Variants in BRWD3 observed in about 807,000 individuals in gnomAD.
BRWD3 encodes the protein bromodomain and WD repeat domain containing 3.
A neutral mutation model predicts 149.7 loss-of-function variants in BRWD3; 10 were observed. That is an observed-to-expected ratio of 0.07 (90% CI 0.04 to 0.11). The LOEUF (loss-of-function observed/expected upper bound fraction) is 0.11, where lower values mean the gene tolerates loss of function less well. Among genes scored for constraint, BRWD3 ranks in the 10% least tolerant of loss-of-function variants. BRWD3 has a pLI of 1.00. For synonymous variants in BRWD3, 504 were observed against 456.7 expected (o/e 1.10, Z -1.32); for missense variants, 940 against 1,373.2 (o/e 0.68, Z 4.99).
chrX:80,741,554 T>C (rs1166648305), intron 8 of BRWD3, among the ~76,000 whole-genome samples: 2 of 111,528 alleles, frequency 1.8e-5, no homozygotes, highest in Admixed American at 9.5e-5. Flanking sequence ...TATTTCTCCA[T>C]ATCCTCTCCA....
chrX:80,671,435 AAG>A lies in BRWD3; in HGVS notation c.*5172_*5173del, dbSNP rs2072322352. ...TATGACAAAGAAACAAGAAAGACCT[AAG>A]AGTTACATGTTACAATCTCTAAAGC... On this transcript the variant is annotated 3_prime_UTR_variant, in exon 41 of 41. Transcript: ENST00000373275. The A allele has an allele frequency of 8.9e-6, 1 of 112,280 alleles. No individual in the cohort carries two copies. The highest frequency in any genetic ancestry group is 3.2e-5 in the African/African-American group (1 of 30,951). 9.3% of individuals were successfully genotyped at this position (112,280 alleles called of 1,213,427 possible).
chrX:80,767,909 T>C (rs1390333254), intron 6 of BRWD3, among the ~76,000 whole-genome samples: 1 of 111,931 alleles, frequency 8.9e-6, no homozygotes, highest in Non-Finnish European at 1.9e-5. Context: ...CTGAAAACCA[T>C]GGCATGAGAA....
At chrX:80,709,284 C>A (rs1050784906) in intron 21 of BRWD3, 144 bp downstream of exon 21, 1 of 433,138 alleles carries the variant, frequency 2.3e-6, no homozygotes, top group Non-Finnish European at 3.7e-6. Context: ...AATATACCTA[C>A]TAAATGTATT....
chrX:80,696,713 A>T (rs1355802834), intron 26 of BRWD3, 26 bp downstream of exon 26: 1 of 1,204,262 alleles, frequency 8.3e-7, no homozygotes, highest in Non-Finnish European at 1.1e-6. Context: ...ACACACTCAA[A>T]CAGAGACTCA....
At position 80,703,567 on chromosome X, in the gene BRWD3, A is replaced by G. The variant is rs1247224501; in HGVS notation, c.2748T>C (p.Gly916=). The G allele has an allele frequency of 1.7e-6, 2 of 1,204,860 alleles. No individual in the cohort carries two copies. The highest frequency in any genetic ancestry group is 5.9e-5 in the East Asian group (2 of 33,741). ...GGGCAAACCATTCTTCATTAGGCTC[A>G]CCTGCTATAGAAACCAGTCCTCCTT... ...KKKGGLVSIA[G]EPNEEWFAPQ... The change falls in exon 24 of 41, where the codon GGT becomes GGC. Residue 916 remains glycine, a synonymous_variant. Transcript: ENST00000373275.
chrX:80,701,767 T>C (rs1007202052), intron 24 of BRWD3, among the ~76,000 whole-genome samples: 3 of 108,586 alleles, frequency 2.8e-5, no homozygotes, highest in African/African-American at 9.9e-5. Context: ...ATAATACACG[T>C]CATTAAGATA....
Position 80,676,911 on chromosome X carries a change from C to A in BRWD3, c.5107G>T (p.Gly1703Cys). ...GRGSRGRGGG[G>C]TRGRGRGRGG... ...CTCCCTCTTCCCCTCCCCCTAGTGC[C>A]ACCTCCACCTCTTCCTCGACTCCCT... The change falls in exon 41 of 41, where the codon GGC becomes TGC. Residue 1703 changes from glycine (G) to cysteine (C), a missense_variant. Gly to Cys is a radical substitution (Grantham distance 159, BLOSUM62 -3). Around this residue, in one of 6 missense-constraint regions of BRWD3, gnomAD observed 349 missense variants for 419.6 expected, o/e 0.83. Transcript: ENST00000373275. 1 of 1,205,096 alleles carries A rather than the reference C, an allele frequency of 8.3e-7. No individual in the cohort carries two copies. Among genetic ancestry groups the A allele is most frequent in the Non-Finnish European group, 1.1e-6 (1 of 890,079 alleles).
At position 80,689,786 on chromosome X, in the gene BRWD3, G is replaced by A. The variant is rs1255346618; in HGVS notation, c.3789C>T (p.Asn1263=). 8.3e-7 allele frequency: 1 copy of A among 1,201,741 alleles called. No homozygotes were observed. The highest frequency in any genetic ancestry group is 1.8e-5 in the South Asian group (1 of 56,627). The part of the protein sequence containing the change: ...TYNKIKAEER[N]STDAEEDTEI... ...TTCTTACCTCCTCTGCATCAGTACTGTTTCGTTCTTCTGCTTTAATTTTAT... is the reference window on the plus strand; with the variant it reads ...TTCTTACCTCCTCTGCATCAGTACTATTTCGTTCTTCTGCTTTAATTTTAT... Residue 1263 remains asparagine (N), a synonymous_variant, in exon 33 of 41, where the codon AAC becomes AAT. Transcript: ENST00000373275.
intron 11 of BRWD3, 126 bp downstream of exon 11, chrX:80,733,992 C>A: frequency 1.9e-6 from 1 of 523,361 alleles, no homozygotes; most frequent in African/African-American, 2.3e-5. Context: ...GTAGTAATGA[C>A]AAGAGTAAAG....
intron 12 of BRWD3, among the ~76,000 whole-genome samples, chrX:80,730,299 G>C (rs1387584996): frequency 1.2e-4 from 13 of 108,617 alleles, no homozygotes; most frequent in African/African-American, 4.4e-4. Flanking sequence ...TTCATAATAA[G>C]TCAAAAAGTG....
intron 22 of BRWD3, among the ~76,000 whole-genome samples, 194 bp from the exon 23 acceptor site, chrX:80,705,040 G>A (rs1432061046): frequency 9.0e-6 from 1 of 111,344 alleles, no homozygotes; most frequent in Non-Finnish European, 1.9e-5. Flanking sequence ...GGCCAAGATG[G>A]GCAGATCACA....
intron 6 of BRWD3, among the ~76,000 whole-genome samples, chrX:80,768,245 C>T (rs747880792): frequency 5.1e-4 from 57 of 110,803 alleles, no homozygotes; most frequent in Middle Eastern, 4.7e-3. Flanking sequence ...CAAAGATACT[C>T]CTTGAGAAAA....
chrX:80,694,909 G>T (rs916020016), intron 27 of BRWD3, among the ~76,000 whole-genome samples: 2 of 111,024 alleles, frequency 1.8e-5, no homozygotes, highest in Non-Finnish European at 3.8e-5. Flanking sequence ...GGGGACTGTT[G>T]ATTGGTTTTG....
chrX:80,762,925 G>A lies in BRWD3; in HGVS notation c.431-17196C>T, dbSNP rs902909875. 5.4e-5 allele frequency among the ~76,000 whole-genome samples: 6 copies of A among 110,517 alleles called. No homozygotes were observed. The South Asian group carries it at 2.4e-3, about 44-fold the overall frequency. On this transcript the variant is annotated intron_variant, in intron 6 of 40. Coordinates refer to ENST00000373275, the MANE Select transcript of BRWD3 (RefSeq NM_153252.5). ...TCTCAGTAGTCTCACATTTCAGAAT[G>A]GGGTAGGTTAGGAATACCACGCAAA...
chrX:80,784,302 A>C (rs1040334752), intron 6 of BRWD3, among the ~76,000 whole-genome samples: 1 of 112,126 alleles, frequency 8.9e-6, no homozygotes, highest in African/African-American at 3.2e-5. Context: ...AACTGTTTAG[A>C]TTATGATAAT....
chrX:80,709,529 T>C lies in BRWD3; in HGVS notation c.2374A>G (p.Lys792Glu). 1 of 1,210,739 alleles carries C rather than the reference T, an allele frequency of 8.3e-7. No homozygotes were observed. Among genetic ancestry groups the C allele is most frequent in the East Asian group, 3.0e-5 (1 of 33,828 alleles). Residue 792 changes from lysine (K) to glutamate (E), a missense_variant, in exon 21 of 41, where the codon AAA becomes GAA. This residue lies in a region of BRWD3 where 103 missense variants were observed against 103.2 expected (regional missense o/e 1.00). Transcript: ENST00000373275. ...CGRSLRRTQR[K>E]RQHTYQTRSN... ...CGTGTTTGGTAAGTATGCTGACGTT[T>C]GCGCTGTGTCCTGCGTAAAGAACGC...
chrX:80,764,961 G>A (rs1489299318), intron 6 of BRWD3, among the ~76,000 whole-genome samples: 1 of 111,487 alleles, frequency 9.0e-6, no homozygotes, highest in Non-Finnish European at 1.9e-5. Flanking sequence ...ATATCAATTT[G>A]GGCCATCAGC....
rs2147660732 is a variant in BRWD3, at chrX:80,670,802, C to CA, written c.*5806dup. On this transcript the variant is annotated 3_prime_UTR_variant, in exon 41 of 41. Transcript: ENST00000373275. ...CAATTAAGCAACTAAACAAAAATAC[C>CA]AAACAACTTATCTCCACTTCAATCT... 1 of 111,211 alleles carries CA rather than the reference C, an allele frequency of 9.0e-6. No homozygotes were observed. Among genetic ancestry groups the CA allele is most frequent in the African/African-American group, 3.3e-5 (1 of 30,654 alleles). 9.2% of individuals were successfully genotyped at this position (111,211 alleles called of 1,213,427 possible). A position where few individuals can be genotyped will look rare whatever the true frequency, so the allele number is the denominator to read the frequency against.
chrX:80,776,501 G>C (rs1053513987), intron 6 of BRWD3, among the ~76,000 whole-genome samples: 8 of 111,515 alleles, frequency 7.2e-5, no homozygotes, highest in Non-Finnish European at 1.1e-4. Flanking sequence ...ACATTTATAA[G>C]ACTACATGTT....
Sources: gnomAD v4.1 joint callset for allele counts (sites outside exome capture counted in the v4.1 genomes callset) on GRCh38, gnomAD v4.1.1 for gene constraint, gnomAD v4.1.1 regional missense constraint, MANE v1.5 for transcripts, NCBI Gene and HGNC (gene_info 2026-07-23, HGNC 2026-07-21) for gene names.